Variants in RGPD8 observed in about 807,000 individuals in gnomAD.
RGPD8 encodes the protein RANBP2 like and GRIP domain containing 8.
A neutral mutation model predicts 89.1 loss-of-function variants in RGPD8; 15 were observed. The ratio of observed to expected loss-of-function variants is 0.17; its 90% CI spans 0.11 to 0.26. RGPD8 has a LOEUF of 0.26. RGPD8 is among the 10% of genes least tolerant of loss of function. The pLI is 1.00. For missense variants in RGPD8, 178 were observed against 1,179.6 expected (o/e 0.15, Z 12.44); for synonymous variants, 62 against 420.9 (o/e 0.15, Z 10.44).
intron 1 of RGPD8, among the ~76,000 whole-genome samples, 168 bp downstream of exon 1, chr2:112,433,214 G>C (rs973606583): frequency 2.2e-5 from 3 of 139,416 alleles, no homozygotes; most frequent in Non-Finnish European, 3.2e-5. Flanking sequence ...CTGACCCATC[G>C]AGGCCGCCGC....
At chr2:112,408,914 C>T (rs1220562892) in intron 7 of RGPD8, among the ~76,000 whole-genome samples, 10 of 151,588 alleles carry the variant, frequency 6.6e-5, no homozygotes, top group South Asian at 2.1e-4. Context: ...TTAAGCGATC[C>T]GCCCGCCTCA....
chr2:112,425,159 G>A (rs1338391002), intron 1 of RGPD8, among the ~76,000 whole-genome samples: 4 of 152,030 alleles, frequency 2.6e-5, no homozygotes, highest in East Asian at 1.9e-4. Flanking sequence ...TGGAAATCTC[G>A]GAAACCCTGT....
rs1342722247 is a variant in RGPD8 at position 112,377,407 on chromosome 2, T to C, written c.5263+646A>G. Among the ~76,000 whole-genome samples, 3 of 109,660 alleles carry C rather than the reference T, an allele frequency of 2.7e-5. 1 individual carries two copies. Among genetic ancestry groups the C allele is most frequent in the Non-Finnish European group, 6.1e-5 (3 of 49,268 alleles). The allele number at this position is 109,660 out of a possible 152,430, so 71.9% of individuals were successfully genotyped here. A position where few individuals can be genotyped will look rare whatever the true frequency, so the allele number is the denominator to read the frequency against. On this transcript the variant is annotated intron_variant, in intron 22 of 22. Transcript: ENST00000302558. ...GACTCTGCTGCCTCAGCCCCCTGAGTAGCTGGGACTACAGGCGCATGCCAC... is the reference window on the plus strand; with the variant it reads ...GACTCTGCTGCCTCAGCCCCCTGAGCAGCTGGGACTACAGGCGCATGCCAC...
At chr2:112,414,273 C>T (rs1181403725) in intron 6 of RGPD8, among the ~76,000 whole-genome samples, 8 of 121,728 alleles carry the variant, frequency 6.6e-5, no homozygotes, top group Non-Finnish European at 1.4e-4. Flanking sequence ...GTCAGGAGTT[C>T]AAGACCAGCC....
chr2:112,429,529 G>A (rs1453910343), intron 1 of RGPD8, among the ~76,000 whole-genome samples: 1 of 151,298 alleles, frequency 6.6e-6, no homozygotes, highest in Non-Finnish European at 1.5e-5. Context: ...AAGTATAGAT[G>A]TAAAGGGCAG....
chr2:112,391,105 T>A (rs1234489828), intron 18 of RGPD8, 36 bp from the exon 19 acceptor site: 1 of 1,582,550 alleles, frequency 6.3e-7, no homozygotes, highest in Non-Finnish European at 8.5e-7. Context: ...AAAACACTGT[T>A]AAAGTCTATA....
intron 7 of RGPD8, among the ~76,000 whole-genome samples, chr2:112,410,286 T>G (rs1679117253): frequency 6.9e-6 from 1 of 145,376 alleles, no homozygotes; most frequent in African/African-American, 2.8e-5. Flanking sequence ...AGACTCCATC[T>G]CAAAAAAAAA....
At chr2:112,431,614 A>T (rs1680039252) in intron 1 of RGPD8, among the ~76,000 whole-genome samples, 1 of 151,768 alleles carries the variant, frequency 6.6e-6, no homozygotes, top group Non-Finnish European at 1.5e-5. Context: ...TGCTACTATT[A>T]TAATCATGGT....
At chr2:112,414,195 GC>G (rs1209622609) in intron 6 of RGPD8, among the ~76,000 whole-genome samples, 1 of 140,886 alleles carries the variant, frequency 7.1e-6, no homozygotes, top group Non-Finnish European at 1.5e-5. Context: ...GCTATTATTG[GC>G]CCTGCGCAGT....
chr2:112,422,187 T>G (rs1679583807), intron 3 of RGPD8, 75 bp from the exon 4 acceptor site: 1 of 128,064 alleles, frequency 7.8e-6, no homozygotes, highest in Non-Finnish European at 1.5e-5. Flanking sequence ...TACTTATACA[T>G]AAAGGTTAAA....
At chr2:112,431,892 G>A (rs1163384489) in intron 1 of RGPD8, among the ~76,000 whole-genome samples, 3 of 152,122 alleles carry the variant, frequency 2.0e-5, no homozygotes, top group Admixed American at 1.3e-4. Flanking sequence ...CGCCCTCCTC[G>A]GCCTCCCAAA....
intron 7 of RGPD8, among the ~76,000 whole-genome samples, chr2:112,411,671 CA>C (rs1452490353): frequency 6.5e-5 from 2 of 30,614 alleles, no homozygotes; most frequent in Non-Finnish European, 9.8e-5. Context: ...GCAGGTAGAT[CA>C]AGAGGTCAAG....
intron 22 of RGPD8, among the ~76,000 whole-genome samples, chr2:112,372,989 G>C (rs1007598870): frequency 2.8e-5 from 4 of 142,382 alleles, no homozygotes; most frequent in African/African-American, 8.9e-5. Flanking sequence ...ACAATATTCA[G>C]ATCTGTAAAC....
chr2:112,373,423 G>A (rs545590752), intron 22 of RGPD8, among the ~76,000 whole-genome samples: 1 of 152,280 alleles, frequency 6.6e-6, no homozygotes, highest in African/African-American at 2.4e-5. Context: ...TTTCAGAGTT[G>A]GGTAACCTAC....
At chr2:112,412,884 A>AT (rs1288580487) in intron 6 of RGPD8, among the ~76,000 whole-genome samples, 1 of 151,596 alleles carries the variant, frequency 6.6e-6, no homozygotes, top group Non-Finnish European at 1.5e-5. Flanking sequence ...CAATCACAGG[A>AT]TAAATATAAG....
intron 1 of RGPD8, chr2:112,432,392 G>A: frequency 1.3e-6 from 1 of 746,472 alleles, no homozygotes; most frequent in Non-Finnish European, 1.6e-6. Flanking sequence ...GGGGGGCGAG[G>A]GAGGTGAGTA....
Position 112,433,606 on chromosome 2 carries a change from G to A in RGPD8, c.-153C>T. On this transcript the variant is annotated 5_prime_UTR_variant, in exon 1 of 23. Coordinates refer to ENST00000302558, the MANE Select transcript of RGPD8 (RefSeq NM_001164463.1). The stretch of plus-strand genomic sequence containing the variant: ...CGAGCGTGCGGCGCCGCCCACGGAG[G>A]CCCACTGTGACGAACCTGCGTTCTG... The A allele has an allele frequency of 1.2e-6, 1 of 855,102 alleles. No homozygotes were observed. The highest frequency in any genetic ancestry group is 1.8e-6 in the Non-Finnish European group (1 of 566,852). The allele number at this position is 855,102 out of a possible 1,614,324, so 53.0% of individuals were successfully genotyped here.
rs866654310 is a variant in RGPD8, at chr2:112,374,761, G to C, written c.5263+3292C>G. Among the ~76,000 whole-genome samples, 1,052 of 136,518 alleles carry C rather than the reference G, an allele frequency of 7.7e-3. 10 individuals are homozygous for C. The highest frequency in any genetic ancestry group is 0.012 in the Non-Finnish European group (750 of 62,798). 89.6% of individuals were successfully genotyped at this position (136,518 alleles called of 152,430 possible). On this transcript the variant is annotated intron_variant, in intron 22 of 22. Coordinates refer to ENST00000302558, the MANE Select transcript of RGPD8 (RefSeq NM_001164463.1). ...GTCTCTCCTTTTAGAACTTCGATTA[G>C]TAAAAACATGTTTGATGTCTTTTCC...
intron 7 of RGPD8, among the ~76,000 whole-genome samples, chr2:112,411,087 A>C (rs1165966215): frequency 6.6e-6 from 1 of 152,296 alleles, no homozygotes; most frequent in Non-Finnish European, 1.5e-5. Flanking sequence ...TCCGTCTCAA[A>C]AAGAAAAAAA....
Sources: gnomAD v4.1 joint callset for allele counts (sites outside exome capture counted in the v4.1 genomes callset) on GRCh38, gnomAD v4.1.1 for gene constraint, MANE v1.5 for transcripts, NCBI Gene and HGNC (gene_info 2026-07-23, HGNC 2026-07-21) for gene names.